Variants in PLD1 observed in about 807,000 individuals in gnomAD.
PLD1 encodes the protein choline phosphatase 1.
PLD1 carries 112 observed loss-of-function variants against 137.1 expected under a neutral mutation model. The ratio of observed to expected loss-of-function variants is 0.82; its 90% CI spans 0.70 to 0.96. The LOEUF is 0.96. Among genes scored for constraint, PLD1 ranks in the 40% least tolerant of loss-of-function variants. The pLI is 0.00. For missense variants in PLD1, 1,321 were observed against 1,342.0 expected (o/e 0.98, Z 0.24); for synonymous variants, 431 against 454.7 (o/e 0.95, Z 0.66).
chr3:171,756,953 T>C (rs1034944604), intron 1 of PLD1, among the ~76,000 whole-genome samples: 4 of 152,146 alleles, frequency 2.6e-5, no homozygotes, highest in African/African-American at 4.8e-5. Context: ...AAATCAGCAA[T>C]GGCATAGGAA....
intron 24 of PLD1, among the ~76,000 whole-genome samples, chr3:171,616,794 T>A (rs1263736485): frequency 2.0e-5 from 3 of 152,216 alleles, no homozygotes; most frequent in African/African-American, 4.8e-5. Flanking sequence ...GCTGAATTTC[T>A]AACCTACTGA....
At chr3:171,769,413 G>T (rs183172426) in intron 1 of PLD1, among the ~76,000 whole-genome samples, 11 of 152,126 alleles carry the variant, frequency 7.2e-5, no homozygotes, top group Non-Finnish European at 4.4e-5. Context: ...TGGACAAGTC[G>T]TTCCTTAAAA....
intron 12 of PLD1, among the ~76,000 whole-genome samples, chr3:171,697,729 C>G (rs1715884428): frequency 6.6e-6 from 1 of 152,220 alleles, no homozygotes; most frequent in Non-Finnish European, 1.5e-5. Flanking sequence ...ATCCTAAATG[C>G]CCCACATCCT....
At chr3:171,680,240 C>CT (rs1713828178) in intron 16 of PLD1, among the ~76,000 whole-genome samples, 1 of 135,618 alleles carries the variant, frequency 7.4e-6, no homozygotes, top group Non-Finnish European at 1.6e-5. Context: ...CTTTTTCTTC[C>CT]TCTTTTTTTT....
chr3:171,717,554 A>G (rs1001648065), intron 8 of PLD1, among the ~76,000 whole-genome samples: 4 of 152,178 alleles, frequency 2.6e-5, no homozygotes, highest in African/African-American at 9.6e-5. Context: ...TAGAAATGCT[A>G]GTGATTTTTC....
chr3:171,743,521 T>G (rs1334736942), intron 1 of PLD1, among the ~76,000 whole-genome samples: 1 of 152,188 alleles, frequency 6.6e-6, no homozygotes, highest in Non-Finnish European at 1.5e-5. Context: ...TCATCCAACC[T>G]GCTCTCCCTG....
chr3:171,628,639 A>T (rs1265757140), intron 23 of PLD1, among the ~76,000 whole-genome samples: 3 of 151,804 alleles, frequency 2.0e-5, no homozygotes, highest in Non-Finnish European at 4.4e-5. Flanking sequence ...CGAATCCAGC[A>T]GCACATCAAA....
At chr3:171,792,723 G>T (rs1723265299) in intron 1 of PLD1, 1 of 456,540 alleles carries the variant, frequency 2.2e-6, no homozygotes, top group Non-Finnish European at 4.4e-6. Flanking sequence ...GGACATTTCT[G>T]CAGGGCACAT....
At chr3:171,620,567 A>G (rs370684353) in intron 23 of PLD1, 47 bp from the exon 24 acceptor site, 28 of 1,121,900 alleles carry the variant, frequency 2.5e-5, no homozygotes, top group Non-Finnish European at 3.7e-5. Context: ...ACCAAGCTCA[A>G]TAAACGTACA....
intron 1 of PLD1, among the ~76,000 whole-genome samples, chr3:171,757,407 G>T (rs998624308): frequency 3.3e-5 from 5 of 152,020 alleles, no homozygotes; most frequent in African/African-American, 1.2e-4. Context: ...TTAAGACAGG[G>T]TTCCAAAAAA....
At chr3:171,680,540 G>A (rs190010627) in intron 16 of PLD1, among the ~76,000 whole-genome samples, 53 of 152,172 alleles carry the variant, frequency 3.5e-4, no homozygotes, top group African/African-American at 1.3e-3. Context: ...GGCCTCTCCT[G>A]TCTTTTTCTA....
chr3:171,687,156 T>G (rs546374559), intron 15 of PLD1, among the ~76,000 whole-genome samples: 1 of 152,254 alleles, frequency 6.6e-6, no homozygotes, highest in South Asian at 2.1e-4. Context: ...GTGGTCGTTA[T>G]GACTTTTGTG....
In PLD1 at chr3:171,698,811, CAAA is replaced by C. The variant is rs11359377; in HGVS notation, c.1227+931_1227+933del. 5.6e-4 allele frequency among the ~76,000 whole-genome samples: 58 copies of C among 103,944 alleles called. No homozygotes were observed. In the East Asian group the frequency reaches 5.6e-3, roughly 10 times the overall value. The allele number at this position is 103,944 out of a possible 152,430, so 68.2% of individuals were successfully genotyped here. The stretch of plus-strand genomic sequence containing the variant: ...CGTCTCTACTAAAAATACAAAAATA[CAAA>C]AAAAAAAAAAAAAAAGCCAGGCATG... On this transcript the variant is annotated intron_variant, in intron 12 of 26. Transcript: ENST00000351298.
At chr3:171,677,545 C>G (rs1176809224) in intron 17 of PLD1, 21 bp downstream of exon 17, 1 of 1,609,948 alleles carries the variant, frequency 6.2e-7, no homozygotes, top group African/African-American at 1.3e-5. Context: ...ATAACCAGCA[C>G]CCCACCATTA....
intron 9 of PLD1, among the ~76,000 whole-genome samples, chr3:171,711,151 G>A (rs981450600): frequency 5.5e-5 from 8 of 145,486 alleles, no homozygotes; most frequent in African/African-American, 2.0e-4. Context: ...TTACAGGCAT[G>A]AGCCACTGTG....
chr3:171,653,496 G>A (rs1396730674), intron 21 of PLD1: 1 of 152,220 alleles, frequency 6.6e-6, no homozygotes, highest in East Asian at 1.9e-4. Flanking sequence ...TCTAGACAGA[G>A]TGTTGTAATC....
intron 1 of PLD1, among the ~76,000 whole-genome samples, chr3:171,763,765 C>T (rs1272510396): frequency 1.3e-5 from 2 of 150,534 alleles, no homozygotes; most frequent in Non-Finnish European, 3.0e-5. Flanking sequence ...AATTCAAATC[C>T]TTGGTATAGC....
At chr3:171,777,244 T>A (rs577235144) in intron 1 of PLD1, among the ~76,000 whole-genome samples, 1 of 152,092 alleles carries the variant, frequency 6.6e-6, no homozygotes, top group African/African-American at 2.4e-5. Flanking sequence ...AAAACTAGAG[T>A]GAAAATTGTT....
chr3:171,605,272 C>T lies in PLD1; in HGVS notation c.3000+27G>A, dbSNP rs760980394. On this transcript the variant is annotated intron_variant, in intron 26 of 26. Coordinates refer to ENST00000351298, the MANE Select transcript of PLD1 (RefSeq NM_002662.5). ...TGTGATGAGATTCAGTGAAAAGAAACGGAGGAGGGGAATACGTGAACTTCA... is the reference window on the plus strand; with the variant it reads ...TGTGATGAGATTCAGTGAAAAGAAATGGAGGAGGGGAATACGTGAACTTCA... 37 of 1,194,392 alleles carry T rather than the reference C, an allele frequency of 3.1e-5. No homozygotes were observed. The Middle Eastern group carries it at 5.7e-4, about 18-fold the overall frequency. 74.0% of individuals were successfully genotyped at this position (1,194,392 alleles called of 1,614,324 possible). A position where few individuals can be genotyped will look rare whatever the true frequency, so the allele number is the denominator to read the frequency against.
Sources: allele counts gnomAD v4.1 joint callset (sites outside exome capture counted in the v4.1 genomes callset), GRCh38; gene constraint gnomAD v4.1.1; transcripts MANE v1.5; gene names NCBI Gene and HGNC (gene_info 2026-07-23, HGNC 2026-07-21).